TET1: variants seen among roughly 807,000 people sequenced by gnomAD.
The protein encoded by TET1 is tet methylcytosine dioxygenase 1.
A neutral mutation model predicts 148.7 loss-of-function variants in TET1; 13 were observed. The ratio of observed to expected loss-of-function variants is 0.09; its 90% CI spans 0.06 to 0.14. The LOEUF is 0.14. Among genes scored for constraint, TET1 ranks in the 10% least tolerant of loss-of-function variants. The pLI, the probability that TET1 is intolerant of heterozygous loss-of-function variation, is 1.00. For missense variants in TET1, 2,182 were observed against 2,553.8 expected, an observed-to-expected ratio of 0.85 and a Z score of 3.14; for synonymous variants, 907 against 937.2, an observed-to-expected ratio of 0.97 and a Z score of 0.59.
At chr10:68,662,609 G>T (rs904759199) in intron 6 of TET1, among the ~76,000 whole-genome samples, 2 of 152,012 alleles carry the variant, frequency 1.3e-5, no homozygotes, top group African/African-American at 4.8e-5. Context: ...GACCATGGCT[G>T]GTTTTATCAT....
chr10:68,606,772 C>A lies in TET1; in HGVS notation c.1968+5738C>A, dbSNP rs571272247. 2.6e-5 allele frequency among the ~76,000 whole-genome samples: 4 copies of A among 152,196 alleles called. No homozygotes were observed. In the South Asian group the frequency reaches 8.3e-4, roughly 32 times the overall value. On this transcript the variant is annotated intron_variant, in intron 3 of 11. Transcript: ENST00000373644. ...TTTAAAAATGGAAAGAAGATAATAT[C>A]AGAACACAGGAAGGTCATAGAAATT...
chr10:68,573,123 C>T lies in TET1; in HGVS notation c.785C>T (p.Ser262Phe), dbSNP rs772734225. The change falls in exon 2 of 12, where the codon TCT becomes TTT. Residue 262 changes from serine (S) to phenylalanine (F), a missense_variant. Physicochemically the swap from Ser to Phe is radical, Grantham distance 155. Transcript: ENST00000373644. ...CAAAGAGCAACCCCCAAAGTTACCT[C>T]TCAAGGAAACCCCAGCATTCAGTTA... ...FPQRATPKVT[S>F]QGNPSIQLEE... 8 of 1,614,044 alleles carry T rather than the reference C, an allele frequency of 5.0e-6. No homozygotes were observed. Among genetic ancestry groups the T allele is most frequent in the Non-Finnish European group, 6.8e-6 (8 of 1,180,036 alleles).
chr10:68,632,476 T>C, intron 3 of TET1: 2 of 1,612,726 alleles, frequency 1.2e-6, no homozygotes, highest in Middle Eastern at 2.0e-4. Flanking sequence ...TTCAATATTG[T>C]ATGGTTCATT....
At chr10:68,610,438 AAAATT>A (rs1050065825) in intron 3 of TET1, among the ~76,000 whole-genome samples, 1 of 151,344 alleles carries the variant, frequency 6.6e-6, no homozygotes, top group African/African-American at 2.4e-5. Flanking sequence ...GGAAATAACA[AAAATT>A]AGCCAGGCAT....
intron 6 of TET1, among the ~76,000 whole-genome samples, chr10:68,658,692 T>C (rs993990576): frequency 3.3e-5 from 5 of 152,124 alleles, no homozygotes; most frequent in Non-Finnish European, 5.9e-5. Context: ...CTTTGGATCT[T>C]GTCAGAAACA....
chr10:68,568,113 G>GGT (rs2053626889), intron 1 of TET1, among the ~76,000 whole-genome samples: 1 of 152,034 alleles, frequency 6.6e-6, no homozygotes. Flanking sequence ...CCCAACCTCA[G>GGT]GTGATCCACC....
chr10:68,634,759 C>CT (rs1379209704), intron 3 of TET1, among the ~76,000 whole-genome samples: 1 of 151,898 alleles, frequency 6.6e-6, no homozygotes, highest in Non-Finnish European at 1.5e-5. Context: ...CATAAATGTT[C>CT]TTTTTTGTTT....
intron 8 of TET1, among the ~76,000 whole-genome samples, chr10:68,676,264 ATATATTTTT>A (rs2055357482): frequency 4.5e-4 from 7 of 15,408 alleles, no homozygotes; most frequent in African/African-American, 1.3e-3. Context: ...ATATATATAT[ATATATTTTT>A]TTTTTTTTTT....
chr10:68,625,258 A>G (rs1052571345), intron 3 of TET1, among the ~76,000 whole-genome samples: 1 of 152,200 alleles, frequency 6.6e-6, no homozygotes, highest in Non-Finnish European at 1.5e-5. Context: ...TCCAGTATCT[A>G]GTCCCTATGA....
chr10:68,563,704 C>T (rs111401908), intron 1 of TET1, among the ~76,000 whole-genome samples: 62 of 152,272 alleles, frequency 4.1e-4, no homozygotes, highest in African/African-American at 1.1e-3. Context: ...TTTTTTGAGA[C>T]GGAGTCTCGC....
chr10:68,631,638 A>G (rs533522188), intron 3 of TET1, among the ~76,000 whole-genome samples: 57 of 151,948 alleles, frequency 3.8e-4, no homozygotes, highest in South Asian at 1.7e-3. Flanking sequence ...GCAGGGGACG[A>G]TTTACAGATC....
intron 11 of TET1, 94 bp downstream of exon 11, chr10:68,686,801 A>T: frequency 9.0e-7 from 1 of 1,113,032 alleles, no homozygotes; most frequent in Non-Finnish European, 1.3e-6. Context: ...GTTAAAACTA[A>T]GACACTGAAT....
intron 2 of TET1, among the ~76,000 whole-genome samples, chr10:68,584,389 A>G (rs1456718689): frequency 6.6e-6 from 1 of 151,620 alleles, no homozygotes; most frequent in Non-Finnish European, 1.5e-5. Context: ...CCTATTTTTC[A>G]TATGACAATG....
intron 11 of TET1, among the ~76,000 whole-genome samples, chr10:68,690,393 G>A (rs1045812290): frequency 1.3e-5 from 2 of 152,130 alleles, no homozygotes; most frequent in African/African-American, 4.8e-5. Flanking sequence ...GGATCATGAG[G>A]TCAGGAGATC....
Position 68,691,698 on chromosome 10 carries a change from A to T in TET1, c.6295A>T (p.Asn2099Tyr). ...NEGPEQSSEVNELNQIPSHKA... is the reference protein window; with the variant it reads ...NEGPEQSSEVYELNQIPSHKA... ...AGGTCCAGAACAGTCCTCTGAAGTA[A>T]ATGAATTGAACCAAATTCCTTCTCA... is the stretch of plus-strand genomic sequence containing the variant. The change falls in exon 12 of 12, where the codon AAT (asparagine) becomes TAT (tyrosine). Residue 2099 changes from asparagine (N) to tyrosine (Y), a missense_variant. By Grantham distance (143) the Asn-to-Tyr change is moderately radical. Coordinates refer to ENST00000373644, the MANE Select transcript of TET1 (RefSeq NM_030625.3). The surrounding 1 kb of genome is among the most constrained non-coding windows in gnomAD (Gnocchi z 4.4). The T allele has an allele frequency of 6.2e-7, 1 of 1,614,192 alleles. No individual in the cohort carries two copies. Among genetic ancestry groups the T allele is most frequent in the Non-Finnish European group, 8.5e-7 (1 of 1,180,046 alleles).
rs537353469 is a variant in TET1, at chr10:68,656,894, C to CA, written c.4461+4301dup. 8.6e-5 allele frequency among the ~76,000 whole-genome samples: 13 copies of CA among 152,040 alleles called. No homozygotes were observed. The East Asian group carries it at 2.5e-3, about 30-fold the overall frequency. ...ACAAAAAATTAGCCAGACATGGTGG[C>CA]ACGTGCCTATAGTCCCAGCTACTCA... On this transcript the variant is annotated intron_variant, in intron 6 of 11. Coordinates refer to ENST00000373644, the MANE Select transcript of TET1 (RefSeq NM_030625.3).
chr10:68,635,898 G>T (rs950172112), intron 3 of TET1, among the ~76,000 whole-genome samples: 1 of 151,952 alleles, frequency 6.6e-6, no homozygotes, highest in African/African-American at 2.4e-5. Context: ...GGGCCAAGAG[G>T]TGTGAGAGTG....
intron 4 of TET1, among the ~76,000 whole-genome samples, chr10:68,650,075 T>A (rs957744759): frequency 1.3e-5 from 2 of 152,176 alleles, no homozygotes; most frequent in African/African-American, 4.8e-5. Context: ...TAGATTAGGA[T>A]TCCTCAAACT....
intron 10 of TET1, among the ~76,000 whole-genome samples, chr10:68,684,717 C>T (rs2055486549): frequency 6.6e-6 from 1 of 152,108 alleles, no homozygotes; most frequent in South Asian, 2.1e-4. Flanking sequence ...TGAAATTCTA[C>T]CACTACCTCT....
Sources: gnomAD v4.1 joint callset for allele counts (sites outside exome capture counted in the v4.1 genomes callset) on GRCh38, gnomAD v4.1.1 for gene constraint, Gnocchi (gnomAD v3.1) non-coding constraint, MANE v1.5 for transcripts, NCBI Gene and HGNC (gene_info 2026-07-23, HGNC 2026-07-21) for gene names.